MSL2: variants seen among roughly 807,000 people sequenced by gnomAD.
MSL2 encodes the protein MSL complex subunit 2.
Under a neutral mutation model 35.8 loss-of-function variants are expected in MSL2, and 2 were observed. The ratio of observed to expected loss-of-function variants is 0.06; its 90% CI spans 0.02 to 0.18. The LOEUF is 0.18. MSL2 is among the 10% of genes least tolerant of loss of function. The probability of loss-of-function intolerance (pLI) is 1.00; values close to 1 mark genes in which losing one functional copy is unlikely to be tolerated. For missense variants in MSL2, 523 were observed against 706.7 expected (o/e 0.74, Z 2.95); for synonymous variants, 296 against 255.7 (o/e 1.16, Z -1.50).
intron 1 of MSL2, among the ~76,000 whole-genome samples, chr3:136,174,376 C>T (rs1050115704): frequency 2.0e-5 from 3 of 152,150 alleles, no homozygotes; most frequent in Non-Finnish European, 4.4e-5. Context: ...TTTCACTTAT[C>T]CAGCACTATC....
intron 1 of MSL2, among the ~76,000 whole-genome samples, chr3:136,172,981 T>C (rs1940069165): frequency 6.6e-6 from 1 of 152,060 alleles, no homozygotes; most frequent in South Asian, 2.1e-4. Context: ...CTGTCCAACA[T>C]GGCGAAACCC....
rs1395229427 is a variant in MSL2 at position 136,195,184 on chromosome 3, G to A, written c.-71C>T. On this transcript the variant is annotated 5_prime_UTR_variant, in exon 1 of 2. Coordinates refer to ENST00000309993, the MANE Select transcript of MSL2 (RefSeq NM_018133.4). ...GGATCCAACTTAGTAAGCAGCCAGG[G>A]AACGATGGCGAATTTGCAACAATTC... The A allele has an allele frequency of 2.6e-6, 4 of 1,550,326 alleles. No individual in the cohort carries two copies. Among genetic ancestry groups the A allele is most frequent in the South Asian group, 1.2e-5 (1 of 82,404 alleles).
Position 136,152,559 on chromosome 3 carries a change from C to T in MSL2, c.322G>A (p.Glu108Lys). The change falls in exon 2 of 2, where the codon GAG becomes AAG. Residue 108 changes from glutamate (E) to lysine (K), a missense_variant. Coordinates refer to ENST00000309993, the MANE Select transcript of MSL2 (RefSeq NM_018133.4). ...ILVNCYKKLCEYITQTTLARD... is the reference protein window; with the variant it reads ...ILVNCYKKLCKYITQTTLARD... The stretch of plus-strand genomic sequence containing the variant: ...GCCAGTGTAGTCTGTGTTATATACT[C>T]GCATAGTTTTTTGTAGCAGTTCACT... 1.2e-6 allele frequency: 2 copies of T among 1,614,124 alleles called. No homozygotes were observed. The highest frequency in any genetic ancestry group is 1.7e-6 in the Non-Finnish European group (2 of 1,180,032).
At chr3:136,171,570 G>A (rs1345030005) in intron 1 of MSL2, among the ~76,000 whole-genome samples, 2 of 152,186 alleles carry the variant, frequency 1.3e-5, no homozygotes, top group African/African-American at 4.8e-5. Context: ...AGCCTTAAGT[G>A]GGGATTTGGG....
intron 1 of MSL2, chr3:136,194,612 C>A: frequency 3.4e-6 from 1 of 291,600 alleles, no homozygotes; most frequent in Non-Finnish European, 5.6e-6. Flanking sequence ...CATGTTTAAC[C>A]ACTTTTAACC....
At position 136,149,516 on chromosome 3, in the gene MSL2, TACATACTGGACACATACATC is replaced by T. The variant is rs1362314737; in HGVS notation, c.*1611_*1630del. On this transcript the variant is annotated 3_prime_UTR_variant, in exon 2 of 2. Coordinates refer to ENST00000309993, the MANE Select transcript of MSL2 (RefSeq NM_018133.4). Reference sequence around the variant, plus strand: ...TTCTTGCAAAACAAAAACAAAATAGTACATACTGGACACATACATCACATTTTTCTTCCTATGGCTTTAGC... The same window carrying T: ...TTCTTGCAAAACAAAAACAAAATAGTACATTTTTCTTCCTATGGCTTTAGC... 2.1e-5 allele frequency: 3 copies of T among 144,854 alleles called. No individual in the cohort carries two copies. Among genetic ancestry groups the T allele is most frequent in the Admixed American group, 2.1e-4 (3 of 14,614 alleles). 9.0% of individuals were successfully genotyped at this position (144,854 alleles called of 1,614,324 possible). A position where few individuals can be genotyped will look rare whatever the true frequency, so the allele number is the denominator to read the frequency against.
At chr3:136,158,487 C>CA (rs1202125852) in intron 1 of MSL2, among the ~76,000 whole-genome samples, 3 of 151,810 alleles carry the variant, frequency 2.0e-5, no homozygotes, top group African/African-American at 4.8e-5. Flanking sequence ...TGGTGGGCAC[C>CA]AAAAAATCTA....
rs925536255 is a variant in MSL2 at position 136,157,055 on chromosome 3, A to G, written c.143-4317T>C. Among the ~76,000 whole-genome samples, 5 of 152,342 alleles carry G rather than the reference A, an allele frequency of 3.3e-5. No individual in the cohort carries two copies. The East Asian group carries it at 9.6e-4, about 29-fold the overall frequency. On this transcript the variant is annotated intron_variant, in intron 1 of 1. Transcript: ENST00000309993. ...AAAATAGAAAATATAAAAAATAAAA[A>G]AGCAAAGTCTCAAGTCAATAACCAA... is the stretch of plus-strand genomic sequence containing the variant.
intron 1 of MSL2, among the ~76,000 whole-genome samples, chr3:136,169,318 TTCTGACAAGC>T (rs1939951370): frequency 2.0e-5 from 3 of 149,306 alleles, no homozygotes; most frequent in Non-Finnish European, 4.4e-5. Context: ...ACACGTGATA[TTCTGACAAGC>T]ATATAACCTG....
chr3:136,168,989 T>C lies in MSL2; in HGVS notation c.143-16251A>G, dbSNP rs543779020. On this transcript the variant is annotated intron_variant, in intron 1 of 1. Coordinates refer to ENST00000309993, the MANE Select transcript of MSL2 (RefSeq NM_018133.4). ...ACCTTTATTAACAGCAAAAAGCATT[T>C]TGTTGCCAGCCATATCACACGGCTG... Among the ~76,000 whole-genome samples the C allele has an allele frequency of 9.2e-5, 14 of 152,116 alleles. No homozygotes were observed. In the South Asian group the frequency reaches 2.9e-3, roughly 32 times the overall value.
Position 136,149,343 on chromosome 3 carries a change from C to A in MSL2, c.*1804G>T, listed in dbSNP as rs989131834. ...ATCTGGGTTCAACACAAAACTGTTACAAACGTTAGGTAAATACACGTTTCA... is the reference window on the plus strand; with the variant it reads ...ATCTGGGTTCAACACAAAACTGTTAAAAACGTTAGGTAAATACACGTTTCA... On this transcript the variant is annotated 3_prime_UTR_variant, in exon 2 of 2. Coordinates refer to ENST00000309993, the MANE Select transcript of MSL2 (RefSeq NM_018133.4). 6.6e-6 allele frequency: 1 copy of A among 152,400 alleles called. No individual in the cohort carries two copies. The highest frequency in any genetic ancestry group is 1.5e-5 in the Non-Finnish European group (1 of 67,996). The allele number at this position is 152,400 out of a possible 1,614,324, so 9.4% of individuals were successfully genotyped here.
At chr3:136,194,291 C>T (rs1312045742) in intron 1 of MSL2, 2 of 371,302 alleles carry the variant, frequency 5.4e-6, no homozygotes, top group Non-Finnish European at 7.4e-6. Flanking sequence ...AGTATCCTAC[C>T]CACCACGAGT....
At chr3:136,181,791 C>T (rs923225633) in intron 1 of MSL2, among the ~76,000 whole-genome samples, 2 of 151,886 alleles carry the variant, frequency 1.3e-5, no homozygotes, top group South Asian at 2.1e-4. Context: ...TGGTGGTAGA[C>T]GCCTGTAATC....
intron 1 of MSL2, among the ~76,000 whole-genome samples, chr3:136,180,117 T>C (rs1027459033): frequency 1.3e-5 from 2 of 152,112 alleles, no homozygotes; most frequent in Admixed American, 6.5e-5. Flanking sequence ...TGTAAACTCA[T>C]GAATGTTAAA....
At chr3:136,176,925 T>G (rs1940196385) in intron 1 of MSL2, among the ~76,000 whole-genome samples, 1 of 152,188 alleles carries the variant, frequency 6.6e-6, no homozygotes, top group Admixed American at 6.5e-5. Flanking sequence ...ACTTACACAT[T>G]GCTATAAAAG....
intron 1 of MSL2, chr3:136,194,466 T>C (rs1040100097): frequency 2.0e-6 from 2 of 985,728 alleles, no homozygotes; most frequent in Non-Finnish European, 1.2e-6. Context: ...TCAAAGCATT[T>C]GTGGAGGAAC....
In MSL2 at chr3:136,160,344, AGGG is replaced by A. The variant is rs1939671365; in HGVS notation, c.143-7609_143-7607del. 3.8e-3 allele frequency among the ~76,000 whole-genome samples: 44 copies of A among 11,502 alleles called. 1 individual carries two copies. The highest frequency in any genetic ancestry group is 0.032 in the Admixed American group (15 of 470). The allele number at this position is 11,502 out of a possible 152,430, so 7.5% of individuals were successfully genotyped here. A position where few individuals can be genotyped will look rare whatever the true frequency, so the allele number is the denominator to read the frequency against. On this transcript the variant is annotated intron_variant, in intron 1 of 1. Transcript: ENST00000309993. ...GAGGGAAGGAGGGAAGGAAGGAGGG[AGGG>A]AGGGAGGGAGGGAGGGAGGGAGGGA...
chr3:136,192,584 A>T (rs575719280), intron 1 of MSL2, among the ~76,000 whole-genome samples: 43 of 137,210 alleles, frequency 3.1e-4, no homozygotes, highest in African/African-American at 7.5e-4. Context: ...AAGCAAAGAT[A>T]AAAAAAAAAA....
In MSL2 at chr3:136,195,244, G is replaced by A. The variant is rs922712611; in HGVS notation, c.-131C>T. ...CAGAGCCGAACCATTGGCCAAACAAGTAACCAAAATCCGTGCAAGTTTGTG... is the reference window on the plus strand; with the variant it reads ...CAGAGCCGAACCATTGGCCAAACAAATAACCAAAATCCGTGCAAGTTTGTG... On this transcript the variant is annotated 5_prime_UTR_variant, in exon 1 of 2. Transcript: ENST00000309993. 1 of 1,497,070 alleles carries A rather than the reference G, an allele frequency of 6.7e-7. No homozygotes were observed. Among genetic ancestry groups the A allele is most frequent in the Non-Finnish European group, 8.9e-7 (1 of 1,128,344 alleles). The allele number at this position is 1,497,070 out of a possible 1,614,324, so 92.7% of individuals were successfully genotyped here.
Sources: gnomAD v4.1 joint callset for allele counts (sites outside exome capture counted in the v4.1 genomes callset) on GRCh38, gnomAD v4.1.1 for gene constraint, MANE v1.5 for transcripts, NCBI Gene and HGNC (gene_info 2026-07-23, HGNC 2026-07-21) for gene names.